Variants in NCKAP1L observed in about 807,000 individuals in gnomAD.
NCKAP1L encodes the protein nck-associated protein 1-like.
A neutral mutation model predicts 139.2 loss-of-function variants in NCKAP1L; 53 were observed. That is an observed-to-expected ratio of 0.38 (90% CI 0.31 to 0.48). The LOEUF (loss-of-function observed/expected upper bound fraction) is 0.48. Among genes scored for constraint, NCKAP1L ranks in the 20% least tolerant of loss-of-function variants. NCKAP1L has a pLI of 0.98. For missense variants in NCKAP1L, 1,151 were observed against 1,381.9 expected (o/e 0.83, Z 2.65); for synonymous variants, 468 against 499.7 (o/e 0.94, Z 0.85).
intron 3 of NCKAP1L, among the ~76,000 whole-genome samples, chr12:54,506,794 A>T (rs866873237): frequency 0.017 from 414 of 23,714 alleles, 10 homozygotes; most frequent in African/African-American, 0.083. Flanking sequence ...TTAAAAAAAA[A>T]AAATATATAT....
In NCKAP1L at chr12:54,516,919, G is replaced by A. The variant is rs2120917056; in HGVS notation, c.1022G>A (p.Arg341Gln). The part of the protein sequence containing the change: ...ANSGQFHCQR[R>Q]QFLRMAVKEL... ...AGTGGCCAGTTTCATTGTCAACGGC[G>A]GCAATTTCTGCGGATGGCAGTGAAG... The change falls in exon 11 of 31, where the codon CGG becomes CAG. Residue 341 changes from arginine (R) to glutamine (Q), a missense_variant. By Grantham distance (43) the Arg-to-Gln change is conservative. Coordinates refer to ENST00000293373, the MANE Select transcript of NCKAP1L (RefSeq NM_005337.5). 1 of 1,612,392 alleles carries A rather than the reference G, an allele frequency of 6.2e-7. No individual in the cohort carries two copies. The highest frequency in any genetic ancestry group is 8.5e-7 in the Non-Finnish European group (1 of 1,178,958).
intron 3 of NCKAP1L, chr12:54,500,871 A>G (rs1440020765): frequency 6.5e-6 from 2 of 305,876 alleles, no homozygotes; most frequent in Admixed American, 4.9e-5. Flanking sequence ...AAAGATCTGG[A>G]CTATTTTACA....
intron 29 of NCKAP1L, 26 bp from the exon 30 acceptor site, chr12:54,538,858 C>G: frequency 6.3e-7 from 1 of 1,595,510 alleles, no homozygotes. Flanking sequence ...GTATAAAAAT[C>G]TGCTTTACAA....
Position 54,531,288 on chromosome 12 carries a change from C to G in NCKAP1L, c.2535C>G (p.Gly845=). The change falls in exon 23 of 31, where the codon GGC becomes GGG. Residue 845 remains glycine (G), a synonymous_variant. Transcript: ENST00000293373. ...TGCGGGCCTTGGCAGAACTCCTGGG[C>G]CCCTATGGCATGAAGTTCCTGAGTG... The part of the protein sequence containing the change: ...SEMRALAELL[G]PYGMKFLSEN... 1.2e-6 allele frequency: 2 copies of G among 1,614,108 alleles called. No homozygotes were observed. The highest frequency in any genetic ancestry group is 2.2e-5 in the South Asian group (2 of 91,090).
intron 28 of NCKAP1L, 172 bp downstream of exon 28, chr12:54,536,417 TGGGA>T: frequency 1.9e-6 from 1 of 526,420 alleles, no homozygotes; most frequent in Non-Finnish European, 3.4e-6. Context: ...CCTAGCACTT[TGGGA>T]GGCCAAGGTG....
intron 3 of NCKAP1L, among the ~76,000 whole-genome samples, chr12:54,505,230 G>T (rs531027398): frequency 1.5e-4 from 23 of 152,328 alleles, no homozygotes; most frequent in African/African-American, 5.5e-4. Flanking sequence ...GCACATTTTG[G>T]GGGACAGCTA....
intron 13 of NCKAP1L, among the ~76,000 whole-genome samples, chr12:54,518,299 G>A (rs1395629520): frequency 1.3e-5 from 2 of 151,262 alleles, no homozygotes; most frequent in Non-Finnish European, 2.9e-5. Context: ...CCGAGATCGC[G>A]CCACTGCACT....
At position 54,499,403 on chromosome 12, in the gene NCKAP1L, A is replaced by G. The variant is rs1257412811; in HGVS notation, c.151A>G (p.Met51Val). 4 of 1,612,858 alleles carry G rather than the reference A, an allele frequency of 2.5e-6. No homozygotes were observed. The highest frequency in any genetic ancestry group is 2.2e-5 in the East Asian group (1 of 44,886). The change falls in exon 2 of 31, where the codon ATG becomes GTG. Residue 51 changes from methionine to valine, a missense_variant. Transcript: ENST00000293373. ...SKPPFLLEKS[M>V]EPSLKYINKK... ...GCCACCTTTCTTACTGGAAAAGTCC[A>G]TGGAACCATCTCTCAAGTATATCAA...
chr12:54,502,823 C>CAAAAAAAA (rs780466592), intron 3 of NCKAP1L, among the ~76,000 whole-genome samples: 31 of 57,826 alleles, frequency 5.4e-4, no homozygotes, highest in Non-Finnish European at 6.4e-4. Flanking sequence ...CCCATCTACA[C>CAAAAAAAA]AAAAAAAAAA....
At chr12:54,512,758 GTGTGTA>G (rs904705878) in intron 9 of NCKAP1L, among the ~76,000 whole-genome samples, 4 of 68,080 alleles carry the variant, frequency 5.9e-5, no homozygotes, top group East Asian at 3.4e-4. Flanking sequence ...GTTGAAGAGT[GTGTGTA>G]TGTGTGTGTG....
Position 54,531,765 on chromosome 12 carries a change from C to G in NCKAP1L, c.2721C>G (p.Arg907=), listed in dbSNP as rs201865955. Residue 907 remains arginine, a synonymous_variant, in exon 25 of 31, where the codon CGC becomes CGG. Transcript: ENST00000293373. The part of the protein sequence containing the change: ...QLTGAENVLK[R]MTIIGVILSF... ...CAGGGGCTGAAAATGTGCTAAAGCG[C>G]ATGACCATCATTGGGGTTATCCTCA... 5.0e-6 allele frequency: 8 copies of G among 1,612,798 alleles called. No homozygotes were observed. The East Asian group carries it at 1.8e-4, about 36-fold the overall frequency.
At chr12:54,517,055 G>T in intron 11 of NCKAP1L, 63 bp downstream of exon 11, 1 of 1,372,196 alleles carries the variant, frequency 7.3e-7, no homozygotes, top group Non-Finnish European at 1.0e-6. Context: ...GTAGCTACGT[G>T]GCACTCACGA....
chr12:54,526,847 A>G (rs1957031199), intron 21 of NCKAP1L, 101 bp downstream of exon 21: 3 of 910,496 alleles, frequency 3.3e-6, no homozygotes, highest in African/African-American at 3.3e-5. Context: ...TCCCAGGGTC[A>G]TAGACTCCAA....
rs538169369 is a variant in NCKAP1L at position 54,543,815 on chromosome 12, A to C, written c.*1130A>C. ...TGGCCCCCATGCATCACTTCTGTGA[A>C]TCCACTGCCAGGGAGAAGTGGAGAA... On this transcript the variant is annotated 3_prime_UTR_variant, in exon 31 of 31. Coordinates refer to ENST00000293373, the MANE Select transcript of NCKAP1L (RefSeq NM_005337.5). 1 of 152,360 alleles carries C rather than the reference A, an allele frequency of 6.6e-6. No individual in the cohort carries two copies. The highest frequency in any genetic ancestry group is 6.5e-5 in the Admixed American group (1 of 15,310). The allele number at this position is 152,360 out of a possible 1,614,324, so 9.4% of individuals were successfully genotyped here. A position where few individuals can be genotyped will look rare whatever the true frequency, so the allele number is the denominator to read the frequency against.
intron 1 of NCKAP1L, among the ~76,000 whole-genome samples, chr12:54,499,011 C>T (rs1309736202): frequency 1.3e-5 from 2 of 151,746 alleles, no homozygotes; most frequent in South Asian, 2.1e-4. Flanking sequence ...CTGCAACCTC[C>T]GCCTCCCGGG....
At chr12:54,537,709 T>A (rs147457810) in intron 29 of NCKAP1L, among the ~76,000 whole-genome samples, 1 of 152,150 alleles carries the variant, frequency 6.6e-6, no homozygotes, top group African/African-American at 2.4e-5. Flanking sequence ...CTTAGTAGAT[T>A]AGGGTGGGGC....
chr12:54,516,602 C>T lies in NCKAP1L; in HGVS notation c.999-294C>T, dbSNP rs1168904465. On this transcript the variant is annotated intron_variant, in intron 10 of 30. Transcript: ENST00000293373. ...CTGGGATTACAGGCACCCACCACCA[C>T]GCCCAGCTAATTTTTGTATTTTTAG... is the stretch of plus-strand genomic sequence containing the variant. 9.9e-5 allele frequency among the ~76,000 whole-genome samples: 15 copies of T among 152,044 alleles called. 1 individual carries two copies. Among genetic ancestry groups the T allele is most frequent in the Admixed American group, 7.2e-4 (11 of 15,266 alleles).
In NCKAP1L at chr12:54,526,613, A is replaced by G. The variant is rs766748445; in HGVS notation, c.2242A>G (p.Ile748Val). 1 of 1,614,046 alleles carries G rather than the reference A, an allele frequency of 6.2e-7. No individual in the cohort carries two copies. The highest frequency in any genetic ancestry group is 2.2e-5 in the East Asian group (1 of 44,878). ...SELLAGVKAY[I>V]GFIQSLAQFL... ...GCTGTTGGCAGGAGTCAAAGCATAC[A>G]TTGGTTTCATACAGTCACTGGCCCA... The change falls in exon 21 of 31, where the codon ATT becomes GTT. Residue 748 changes from isoleucine to valine, a missense_variant. Coordinates refer to ENST00000293373, the MANE Select transcript of NCKAP1L (RefSeq NM_005337.5).
chr12:54,511,494 C>T (rs1956889741), intron 7 of NCKAP1L, among the ~76,000 whole-genome samples: 1 of 152,196 alleles, frequency 6.6e-6, no homozygotes, highest in Admixed American at 6.5e-5. Context: ...GCAGCCTTGA[C>T]CTCTTGGGTT....
Sources: allele counts gnomAD v4.1 joint callset (sites outside exome capture counted in the v4.1 genomes callset), GRCh38; gene constraint gnomAD v4.1.1; transcripts MANE v1.5; gene names NCBI Gene and HGNC (gene_info 2026-07-23, HGNC 2026-07-21).